The following SLC25A48 variants were observed in gnomAD, a reference collection of about 807,000 sequenced individuals.
SLC25A48 encodes solute carrier family 25 member 48.
SLC25A48 carries 29 observed loss-of-function variants against 32.2 expected under a neutral mutation model. That is an observed-to-expected ratio of 0.90 (90% CI 0.67 to 1.23). SLC25A48 has a LOEUF of 1.23. SLC25A48 is among the 50% of genes most tolerant of loss of function. The pLI, the probability that SLC25A48 is intolerant of heterozygous loss-of-function variation, is 0.00. For synonymous variants in SLC25A48, 164 were observed against 172.3 expected, an observed-to-expected ratio of 0.95 and a Z score of 0.38; for missense variants, 399 against 422.7, an observed-to-expected ratio of 0.94 and a Z score of 0.49.
intron 3 of SLC25A48, among the ~76,000 whole-genome samples, chr5:135,760,745 G>T (rs902151640): frequency 6.6e-6 from 1 of 152,130 alleles, no homozygotes; most frequent in South Asian, 2.1e-4. Context: ...GCAAGGTGGG[G>T]CTTCTTGAAG....
chr5:135,692,900 G>A (rs1291442843), intron 3 of SLC25A48, among the ~76,000 whole-genome samples: 11 of 152,174 alleles, frequency 7.2e-5, no homozygotes, highest in Non-Finnish European at 1.6e-4. Flanking sequence ...TGAAGACTGA[G>A]ATTTGGATTA....
intron 3 of SLC25A48, among the ~76,000 whole-genome samples, chr5:135,765,488 A>C (rs1756190141): frequency 6.6e-6 from 1 of 151,584 alleles, no homozygotes; most frequent in South Asian, 2.1e-4. Context: ...ATTGTTGGTA[A>C]TATCCAGAGG....
At chr5:135,813,646 G>A (rs545622339) in intron 4 of SLC25A48, among the ~76,000 whole-genome samples, 4 of 152,338 alleles carry the variant, frequency 2.6e-5, no homozygotes, top group South Asian at 2.1e-4. Flanking sequence ...CTTCGGACAC[G>A]ACAAACTTCT....
At chr5:135,836,168 G>T (rs965101353) in intron 1 of SLC25A48, among the ~76,000 whole-genome samples, 6 of 152,176 alleles carry the variant, frequency 3.9e-5, no homozygotes, top group Non-Finnish European at 8.8e-5. Flanking sequence ...GCCCTGGAAG[G>T]TAGGGCTGAG....
At chr5:135,583,116 A>G (rs1375372493) in intron 1 of SLC25A48, among the ~76,000 whole-genome samples, 4 of 152,026 alleles carry the variant, frequency 2.6e-5, no homozygotes, top group African/African-American at 9.7e-5. Flanking sequence ...ACAGCTCAGC[A>G]TGTGAGAGTA....
chr5:135,798,691 G>A (rs1757246859), intron 3 of SLC25A48, among the ~76,000 whole-genome samples: 2 of 151,512 alleles, frequency 1.3e-5, no homozygotes, highest in Admixed American at 6.6e-5. Flanking sequence ...CTAAATCGCA[G>A]GGGGTGTACA....
intron 3 of SLC25A48, among the ~76,000 whole-genome samples, chr5:135,738,849 A>G (rs1755438885): frequency 1.3e-5 from 2 of 152,172 alleles, no homozygotes; most frequent in Admixed American, 6.5e-5. Flanking sequence ...TGGGAGGCCG[A>G]GGCAGGCGGA....
chr5:135,838,678 T>C (rs1392066615), intron 1 of SLC25A48, among the ~76,000 whole-genome samples: 1 of 152,262 alleles, frequency 6.6e-6, no homozygotes, highest in Non-Finnish European at 1.5e-5. Context: ...AGGTACAGCT[T>C]GGGCTGTGGC....
intron 4 of SLC25A48, among the ~76,000 whole-genome samples, chr5:135,853,138 A>G (rs1760031767): frequency 6.6e-6 from 1 of 152,236 alleles, no homozygotes; most frequent in Non-Finnish European, 1.5e-5. Flanking sequence ...ATTAAAAAAT[A>G]CTTTAGTACT....
chr5:135,880,257 G>A (rs985902079), intron 7 of SLC25A48, 160 bp downstream of exon 7: 1 of 1,101,028 alleles, frequency 9.1e-7, no homozygotes, highest in African/African-American at 1.6e-5. Flanking sequence ...TCACCAAACA[G>A]CAGTTCAGAA....
At chr5:135,859,201 G>A (rs1349137528) in intron 4 of SLC25A48, among the ~76,000 whole-genome samples, 1 of 152,102 alleles carries the variant, frequency 6.6e-6, no homozygotes, top group African/African-American at 2.4e-5. Context: ...AAGAAAAGAG[G>A]TTTAATTGAC....
At chr5:135,716,156 C>T (rs1202710155) in intron 3 of SLC25A48, among the ~76,000 whole-genome samples, 4 of 152,168 alleles carry the variant, frequency 2.6e-5, no homozygotes, top group African/African-American at 7.2e-5. Flanking sequence ...GAACTATCCT[C>T]CTTTCCTCAA....
At chr5:135,776,506 G>T (rs895789532) in intron 3 of SLC25A48, among the ~76,000 whole-genome samples, 2 of 151,860 alleles carry the variant, frequency 1.3e-5, no homozygotes, top group Non-Finnish European at 2.9e-5. Flanking sequence ...ATATCCAGGG[G>T]GGAAGAAGAT....
At chr5:135,694,077 T>C (rs1380016999) in intron 3 of SLC25A48, among the ~76,000 whole-genome samples, 2 of 152,140 alleles carry the variant, frequency 1.3e-5, no homozygotes, top group Non-Finnish European at 2.9e-5. Flanking sequence ...GCCAGGGGTG[T>C]CTTCCTAGAC....
intron 1 of SLC25A48, among the ~76,000 whole-genome samples, chr5:135,592,164 T>A (rs924070092): frequency 6.6e-6 from 1 of 152,172 alleles, no homozygotes; most frequent in African/African-American, 2.4e-5. Context: ...GGCAAGGATC[T>A]ACGGTGAGAA....
intron 3 of SLC25A48, among the ~76,000 whole-genome samples, chr5:135,795,783 G>A (rs868538745): frequency 6.6e-6 from 1 of 150,598 alleles, no homozygotes. Context: ...ATCACTGGTG[G>A]TGTAGACTCC....
At chr5:135,882,770 T>C (rs1384949186) in intron 7 of SLC25A48, among the ~76,000 whole-genome samples, 1 of 152,098 alleles carries the variant, frequency 6.6e-6, no homozygotes, top group Non-Finnish European at 1.5e-5. Flanking sequence ...CCCCCAGAGC[T>C]CCCTGGAATA....
intron 3 of SLC25A48, among the ~76,000 whole-genome samples, chr5:135,646,948 A>G (rs1298192477): frequency 6.6e-6 from 1 of 151,750 alleles, no homozygotes; most frequent in African/African-American, 2.4e-5. Flanking sequence ...ATATTATATG[A>G]TATACAATAT....
intron 3 of SLC25A48, among the ~76,000 whole-genome samples, chr5:135,783,212 A>G: frequency 8.3e-6 from 1 of 120,646 alleles, no homozygotes; most frequent in Non-Finnish European, 2.0e-5. Context: ...TTAGTGAGGG[A>G]AAGGATGATA....
Sources: allele counts gnomAD v4.1 joint callset (sites outside exome capture counted in the v4.1 genomes callset), GRCh38; gene constraint gnomAD v4.1.1; transcripts MANE v1.5; gene names NCBI Gene and HGNC (gene_info 2026-07-23, HGNC 2026-07-21).